The following FSTL5 variants were observed in gnomAD, a reference collection of about 807,000 sequenced individuals.
FSTL5 encodes the protein follistatin like 5.
A neutral mutation model predicts 89.1 loss-of-function variants in FSTL5; 62 were observed. That is an observed-to-expected ratio of 0.70 (90% CI 0.57 to 0.86). The LOEUF is 0.86. Ranked by LOEUF, FSTL5 falls within the 40% of genes least tolerant of loss-of-function variation. The probability of loss-of-function intolerance (pLI) is 0.00; values close to 1 mark genes in which losing one functional copy is unlikely to be tolerated. For synonymous variants in FSTL5, 383 were observed against 346.2 expected (o/e 1.11, Z -1.18); for missense variants, 1,057 against 1,001.6 (o/e 1.06, Z -0.75).
intron 6 of FSTL5, among the ~76,000 whole-genome samples, chr4:161,754,127 AT>A (rs571885903): frequency 0.01 from 1,511 of 149,834 alleles, 32 homozygotes; most frequent in African/African-American, 0.034. Context: ...GGTGATTTAA[AT>A]TTTTTTTAAT....
At chr4:161,972,117 A>C (rs1735501668) in intron 3 of FSTL5, among the ~76,000 whole-genome samples, 1 of 151,812 alleles carries the variant, frequency 6.6e-6, no homozygotes, top group Non-Finnish European at 1.5e-5. Context: ...TTTTTGAGGG[A>C]GTTTCGCTCT....
intron 6 of FSTL5, among the ~76,000 whole-genome samples, chr4:161,673,533 T>C (rs1417320905): frequency 6.6e-6 from 1 of 151,986 alleles, no homozygotes; most frequent in East Asian, 1.9e-4. Flanking sequence ...TTATAGCATC[T>C]TGTGAAAAAC....
intron 5 of FSTL5, among the ~76,000 whole-genome samples, chr4:161,770,313 T>C (rs1741163768): frequency 6.6e-6 from 1 of 151,934 alleles, no homozygotes; most frequent in Non-Finnish European, 1.5e-5. Context: ...CTATAGACAA[T>C]GCTAATATTG....
At chr4:161,936,032 C>T (rs1392610062) in intron 3 of FSTL5, among the ~76,000 whole-genome samples, 4 of 151,946 alleles carry the variant, frequency 2.6e-5, no homozygotes, top group African/African-American at 9.7e-5. Flanking sequence ...AAAATACAAA[C>T]ATTAGCTGGG....
In FSTL5 at chr4:161,933,423, A is replaced by G. The variant is rs143283597; in HGVS notation, c.161-12771T>C. 1.5e-3 allele frequency among the ~76,000 whole-genome samples: 229 copies of G among 152,248 alleles called. 1 individual carries two copies. Among genetic ancestry groups the G allele is most frequent in the African/African-American group, 5.2e-3 (216 of 41,566 alleles). ...TGAAAAAGATACTAAGATACATGTC[A>G]TGTGCTTAGGTCCTGAAGCCTTATA... On this transcript the variant is annotated intron_variant, in intron 3 of 15. Transcript: ENST00000306100.
In FSTL5 at chr4:161,745,316, A is replaced by T. The variant is rs545816944; in HGVS notation, c.727+14095T>A. ...AAGAGGCAGTGTGATCTCATATAAA[A>T]ATCTTTTACTGGCATTGTTTATTTT... On this transcript the variant is annotated intron_variant, in intron 6 of 15. Transcript: ENST00000306100. Among the ~76,000 whole-genome samples, 14 of 152,178 alleles carry T rather than the reference A, an allele frequency of 9.2e-5. No homozygotes were observed. In the East Asian group the frequency reaches 2.7e-3, roughly 29 times the overall value.
At chr4:161,872,304 G>C (rs1732299198) in intron 4 of FSTL5, among the ~76,000 whole-genome samples, 1 of 151,866 alleles carries the variant, frequency 6.6e-6, no homozygotes, top group East Asian at 1.9e-4. Context: ...AACTGATTTT[G>C]TTTGTAAATT....
chr4:161,570,963 A>T (rs1732986332), intron 8 of FSTL5, among the ~76,000 whole-genome samples: 1 of 151,884 alleles, frequency 6.6e-6, no homozygotes, highest in Non-Finnish European at 1.5e-5. Context: ...AAAATACAAA[A>T]ATTAGCCAGG....
intron 6 of FSTL5, among the ~76,000 whole-genome samples, chr4:161,720,886 G>T (rs1739175982): frequency 2.0e-5 from 3 of 152,164 alleles, no homozygotes; most frequent in South Asian, 4.1e-4. Context: ...GGGAGGTATT[G>T]GTCAAAGGGT....
At chr4:162,103,542 T>C (rs1186606556) in intron 2 of FSTL5, among the ~76,000 whole-genome samples, 1 of 152,226 alleles carries the variant, frequency 6.6e-6, no homozygotes, top group African/African-American at 2.4e-5. Flanking sequence ...CCTCCATTTG[T>C]TCTGGACCAT....
intron 6 of FSTL5, among the ~76,000 whole-genome samples, chr4:161,700,518 G>A: frequency 6.7e-6 from 1 of 150,220 alleles, no homozygotes; most frequent in East Asian, 1.9e-4. Context: ...TATTTATTTT[G>A]AGACAGGGTT....
In FSTL5 at chr4:161,384,978, A is replaced by T. The variant is rs993764818; in HGVS notation, c.*769T>A. 1.3e-5 allele frequency: 2 copies of T among 152,170 alleles called. No homozygotes were observed. Among genetic ancestry groups the T allele is most frequent in the Non-Finnish European group, 2.9e-5 (2 of 68,016 alleles). The allele number at this position is 152,170 out of a possible 1,614,324, so 9.4% of individuals were successfully genotyped here. ...ATTAAAAACATAATGCACTCTAGTG[A>T]TTGAAAGCAAAATGAGTAGATAGAT... On this transcript the variant is annotated 3_prime_UTR_variant, in exon 16 of 16. Transcript: ENST00000306100.
chr4:161,772,915 T>C (rs1044908230), intron 5 of FSTL5, among the ~76,000 whole-genome samples: 6 of 152,084 alleles, frequency 3.9e-5, no homozygotes, highest in South Asian at 4.1e-4. Context: ...AGAACAAATC[T>C]GGAGGAATCA....
intron 6 of FSTL5, among the ~76,000 whole-genome samples, chr4:161,727,821 G>A (rs543787327): frequency 2.6e-5 from 4 of 152,278 alleles, no homozygotes; most frequent in Admixed American, 2.0e-4. Context: ...CTGGAAAGCT[G>A]ACTTCTTAGT....
intron 6 of FSTL5, among the ~76,000 whole-genome samples, chr4:161,752,815 G>A (rs1740443046): frequency 6.6e-6 from 1 of 152,072 alleles, no homozygotes; most frequent in African/African-American, 2.4e-5. Flanking sequence ...GGTTTAATGA[G>A]GTCTTTAGGG....
At chr4:161,883,040 T>C (rs147774857) in intron 4 of FSTL5, among the ~76,000 whole-genome samples, 36 of 152,334 alleles carry the variant, frequency 2.4e-4, no homozygotes, top group Non-Finnish European at 4.3e-4. Context: ...ATATCTCATC[T>C]AATTCTGTGT....
At chr4:161,476,412 C>T (rs1341549642) in intron 13 of FSTL5, among the ~76,000 whole-genome samples, 1 of 152,036 alleles carries the variant, frequency 6.6e-6, no homozygotes, top group African/African-American at 2.4e-5. Context: ...GTCTCGAACT[C>T]CTGACCTCAG....
chr4:162,137,420 C>G (rs1732561690), intron 1 of FSTL5, among the ~76,000 whole-genome samples: 1 of 152,032 alleles, frequency 6.6e-6, no homozygotes, highest in African/African-American at 2.4e-5. Context: ...ACAAGGAATT[C>G]TAGCTACACA....
intron 4 of FSTL5, among the ~76,000 whole-genome samples, chr4:161,839,757 A>G (rs187931834): frequency 3.9e-4 from 60 of 152,310 alleles, no homozygotes; most frequent in Non-Finnish European, 6.9e-4. Context: ...CTGGAGTGAT[A>G]GTCATACTCT....
Sources: gnomAD v4.1 joint callset for allele counts (sites outside exome capture counted in the v4.1 genomes callset) on GRCh38, gnomAD v4.1.1 for gene constraint, MANE v1.5 for transcripts, NCBI Gene and HGNC (gene_info 2026-07-23, HGNC 2026-07-21) for gene names.